The following MFN1 variants were observed in gnomAD, a reference collection of about 807,000 sequenced individuals.
MFN1 encodes mitofusin-1.
Under a neutral mutation model 92.4 loss-of-function variants are expected in MFN1, and 65 were observed. The observed-to-expected ratio is 0.70, with a 90% CI of 0.58 to 0.86. The LOEUF (loss-of-function observed/expected upper bound fraction) is 0.86. MFN1 is among the 40% of genes least tolerant of loss of function. The probability of loss-of-function intolerance (pLI) is 0.00; values close to 1 mark genes in which losing one functional copy is unlikely to be tolerated. For synonymous variants in MFN1, 297 were observed against 300.9 expected (o/e 0.99, Z 0.13); for missense variants, 781 against 868.0 (o/e 0.90, Z 1.26).
At chr3:179,369,419 G>A (rs1302062952) in intron 9 of MFN1, among the ~76,000 whole-genome samples, 1 of 152,028 alleles carries the variant, frequency 6.6e-6, no homozygotes, top group African/African-American at 2.4e-5. Context: ...TTTATTTACT[G>A]ACCTTAGTAT....
At chr3:179,372,897 A>C (rs1713081476) in intron 9 of MFN1, among the ~76,000 whole-genome samples, 1 of 152,212 alleles carries the variant, frequency 6.6e-6, no homozygotes, top group South Asian at 2.1e-4. Flanking sequence ...AATAAAGTCA[A>C]TGCATTATTT....
At chr3:179,385,862 G>A in intron 15 of MFN1, 141 bp downstream of exon 15, 1 of 782,554 alleles carries the variant, frequency 1.3e-6, no homozygotes, top group Non-Finnish European at 2.0e-6. Flanking sequence ...GTTAAAAGTA[G>A]TGAATTAAAT....
chr3:179,391,143 C>T (rs1372396807), intron 17 of MFN1, among the ~76,000 whole-genome samples: 1 of 151,948 alleles, frequency 6.6e-6, no homozygotes, highest in African/African-American at 2.4e-5. Flanking sequence ...TTTGTCTTAA[C>T]CTAGGTAAGT....
chr3:179,368,205 C>A, intron 9 of MFN1, 102 bp downstream of exon 9: 1 of 909,418 alleles, frequency 1.1e-6, no homozygotes, highest in Non-Finnish European at 1.5e-6. Context: ...ATAACTTTTG[C>A]TGTTATTTAG....
In MFN1 at chr3:179,349,512, C is replaced by CTT. The variant is rs113885380; in HGVS notation, c.112+562_112+563dup. Reference sequence around the variant, plus strand: ...TGTCATGTCTTACTAGGGAATACTTCTTTTTTTTTTTTTTGAGACAGAGTC... The same window carrying CTT: ...TGTCATGTCTTACTAGGGAATACTTCTTTTTTTTTTTTTTTTGAGACAGAGTC... On this transcript the variant is annotated intron_variant, in intron 2 of 17. Coordinates refer to ENST00000471841, the MANE Select transcript of MFN1 (RefSeq NM_033540.3). 3.8e-4 allele frequency among the ~76,000 whole-genome samples: 54 copies of CTT among 143,308 alleles called. 2 individuals carry two copies. Among genetic ancestry groups the CTT allele is most frequent in the East Asian group, 2.3e-3 (11 of 4,874 alleles). 94.0% of individuals were successfully genotyped at this position (143,308 alleles called of 152,430 possible). A position where few individuals can be genotyped will look rare whatever the true frequency, so the allele number is the denominator to read the frequency against.
At position 179,394,438 on chromosome 3, in the gene MFN1, CG is replaced by C. The variant is rs1714022734; in HGVS notation, c.*2381del. 1 of 91,720 alleles carries C rather than the reference CG, an allele frequency of 1.1e-5. No individual in the cohort carries two copies. Among genetic ancestry groups the C allele is most frequent in the Non-Finnish European group, 1.9e-5 (1 of 52,412 alleles). The allele number at this position is 91,720 out of a possible 1,614,324, so 5.7% of individuals were successfully genotyped here. On this transcript the variant is annotated 3_prime_UTR_variant, in exon 18 of 18. Transcript: ENST00000471841. Reference sequence around the variant, plus strand: ...TTTTTTTTTTTTTTTTTTTTTGAGACGGAGTCTCGCTCTGTCGCCCAGGCTG... The same window carrying C: ...TTTTTTTTTTTTTTTTTTTTTGAGACGAGTCTCGCTCTGTCGCCCAGGCTG...
chr3:179,364,496 G>C (rs189251031), intron 6 of MFN1, 91 bp downstream of exon 6: 3 of 1,050,120 alleles, frequency 2.9e-6, no homozygotes, highest in South Asian at 2.9e-5. Context: ...CCATATCGTG[G>C]ATTAGAAAAA....
chr3:179,387,778 G>A (rs1371107138), intron 16 of MFN1, among the ~76,000 whole-genome samples: 2 of 148,482 alleles, frequency 1.3e-5, no homozygotes, highest in Non-Finnish European at 3.0e-5. Flanking sequence ...ACCCAGGCTG[G>A]AGTGCAGTAG....
Position 179,377,348 on chromosome 3 carries a change from C to T in MFN1, c.1229C>T (p.Ser410Leu), listed in dbSNP as rs1713278815. 2 of 1,600,998 alleles carry T rather than the reference C, an allele frequency of 1.2e-6. No homozygotes were observed. The highest frequency in any genetic ancestry group is 8.5e-7 in the Non-Finnish European group (1 of 1,175,018). ...EVTEEVANKV[S>L]CAMTDEICRL... is the part of the protein sequence containing the mutation. Reference sequence around the variant, plus strand: ...CCAAAATTTTCATATTTTCAGGTTTCATGTGCAATGACAGATGAAATTTGT... The same window carrying T: ...CCAAAATTTTCATATTTTCAGGTTTTATGTGCAATGACAGATGAAATTTGT... The change falls in exon 12 of 18, where the codon TCA becomes TTA. Residue 410 changes from serine (S) to leucine (L), a missense_variant. Ser to Leu is a moderately radical substitution (Grantham distance 145). Transcript: ENST00000471841.
At chr3:179,358,296 G>GC (rs543374941) in intron 3 of MFN1, among the ~76,000 whole-genome samples, 19 of 151,632 alleles carry the variant, frequency 1.3e-4, no homozygotes, top group South Asian at 8.4e-4. Flanking sequence ...GATTACAGGG[G>GC]CCCCCCCACC....
intron 3 of MFN1, among the ~76,000 whole-genome samples, chr3:179,356,993 A>G (rs1000080119): frequency 1.3e-5 from 2 of 152,158 alleles, no homozygotes; most frequent in Non-Finnish European, 2.9e-5. Context: ...GGAGTACCCA[A>G]AGTGTAGAGG....
chr3:179,365,240 T>G lies in MFN1; in HGVS notation c.753+15T>G, dbSNP rs180796616. On this transcript the variant is annotated intron_variant, in intron 7 of 17. Coordinates refer to ENST00000471841, the MANE Select transcript of MFN1 (RefSeq NM_033540.3). The stretch of plus-strand genomic sequence containing the variant: ...ATATGGAAGACGTAAGTTGTTATTT[T>G]TTTTTTTGTAGGTTTTGAAATACAG... 3.4e-6 allele frequency: 5 copies of G among 1,454,748 alleles called. No homozygotes were observed. In the East Asian group the frequency reaches 1.3e-4, roughly 37 times the overall value. 90.1% of individuals were successfully genotyped at this position (1,454,748 alleles called of 1,614,324 possible).
At chr3:179,379,363 G>T (rs1165940334) in intron 14 of MFN1, among the ~76,000 whole-genome samples, 6 of 152,076 alleles carry the variant, frequency 3.9e-5, no homozygotes, top group African/African-American at 1.4e-4. Flanking sequence ...TTTGAGTGGG[G>T]ATGCGTTTGA....
intron 2 of MFN1, among the ~76,000 whole-genome samples, chr3:179,350,135 G>A (rs532994924): frequency 6.6e-6 from 1 of 150,920 alleles, no homozygotes; most frequent in East Asian, 1.9e-4. Context: ...CTGGGTGACA[G>A]AGTGAGACTC....
At chr3:179,351,230 AC>A in intron 2 of MFN1, among the ~76,000 whole-genome samples, 1 of 152,212 alleles carries the variant, frequency 6.6e-6, no homozygotes, top group South Asian at 2.1e-4. Flanking sequence ...TTTTTCAACT[AC>A]CTCCAGCCAT....
intron 16 of MFN1, among the ~76,000 whole-genome samples, 199 bp downstream of exon 16, chr3:179,386,828 T>C (rs114963963): frequency 0.012 from 1,859 of 152,304 alleles, 34 homozygotes; most frequent in African/African-American, 0.043. Flanking sequence ...TATTCTTCTT[T>C]CCATTCTCCT....
chr3:179,385,200 A>G (rs971527640), intron 14 of MFN1, among the ~76,000 whole-genome samples: 1 of 146,014 alleles, frequency 6.8e-6, no homozygotes, highest in Non-Finnish European at 1.5e-5. Flanking sequence ...GGCGTGAGCC[A>G]CCGCGCCCGG....
rs1714040547 is a variant in MFN1 at position 179,394,812 on chromosome 3, T to C, written c.*2753T>C. 6.6e-6 allele frequency: 1 copy of C among 152,258 alleles called. No homozygotes were observed. Among genetic ancestry groups the C allele is most frequent in the Non-Finnish European group, 1.5e-5 (1 of 68,050 alleles). 9.4% of individuals were successfully genotyped at this position (152,258 alleles called of 1,614,324 possible). On this transcript the variant is annotated 3_prime_UTR_variant, in exon 18 of 18. Coordinates refer to ENST00000471841, the MANE Select transcript of MFN1 (RefSeq NM_033540.3). ...TTATGAGTGATGTACTTCAAAGTTA[T>C]TGCACATACACTTGTTTACTTTGTA...
intron 7 of MFN1, among the ~76,000 whole-genome samples, chr3:179,365,780 C>T (rs2108535648): frequency 6.6e-6 from 1 of 152,300 alleles, no homozygotes; most frequent in Admixed American, 6.5e-5. Context: ...ATAATACCTG[C>T]TCTTGCATCT....
Sources: allele counts gnomAD v4.1 joint callset (sites outside exome capture counted in the v4.1 genomes callset), GRCh38; gene constraint gnomAD v4.1.1; transcripts MANE v1.5; gene names NCBI Gene and HGNC (gene_info 2026-07-23, HGNC 2026-07-21).